Variants in SNAP47 observed in about 807,000 individuals in gnomAD.
SNAP47 encodes the protein synaptosome associated protein 47, also known as synaptosomal-associated protein 47.
A neutral mutation model predicts 31.4 loss-of-function variants in SNAP47; 20 were observed. The ratio of observed to expected loss-of-function variants is 0.64; its 90% CI spans 0.45 to 0.93. The LOEUF (loss-of-function observed/expected upper bound fraction) is 0.93, where lower values mean the gene tolerates loss of function less well. SNAP47 is among the 40% of genes least tolerant of loss of function. The pLI, the probability that SNAP47 is intolerant of heterozygous loss-of-function variation, is 0.00. For missense variants in SNAP47, 492 were observed against 528.5 expected (o/e 0.93, Z 0.68); for synonymous variants, 194 against 213.4 (o/e 0.91, Z 0.79).
intron 4 of SNAP47, chr1:227,775,894 C>T (rs757844677): frequency 4.5e-5 from 58 of 1,303,104 alleles, no homozygotes; most frequent in African/African-American, 2.6e-4. Context: ...GGGCAGCAAG[C>T]GGAAGCTTTT....
intron 2 of SNAP47, 101 bp from the exon 3 acceptor site, chr1:227,758,894 G>T: frequency 7.1e-7 from 1 of 1,407,766 alleles, no homozygotes; most frequent in East Asian, 2.3e-5. Context: ...GAGTAAAATG[G>T]CAACATGCTT....
At chr1:227,735,189 G>T, upstream of SNAP47, 1 of 1,581,480 alleles carries the variant, frequency 6.3e-7, no homozygotes, top group Non-Finnish European at 8.6e-7. Flanking sequence ...AAGGCTACCC[G>T]GCCCGGAGCC....
At chr1:227,771,923 C>T (rs1663838960) in intron 4 of SNAP47, among the ~76,000 whole-genome samples, 1 of 152,148 alleles carries the variant, frequency 6.6e-6, no homozygotes, top group African/African-American at 2.4e-5. Flanking sequence ...GGGACCTGTG[C>T]TGAGGGCCGG....
chr1:227,780,141 C>T (rs548339575), intron 4 of SNAP47, among the ~76,000 whole-genome samples: 6 of 152,244 alleles, frequency 3.9e-5, no homozygotes, highest in Admixed American at 6.5e-5. Context: ...GACTCAAATC[C>T]GAGCTGCGTG....
intron 1 of SNAP47, among the ~76,000 whole-genome samples, chr1:227,739,066 TG>T (rs1661424396): frequency 6.6e-6 from 1 of 152,178 alleles, no homozygotes; most frequent in Non-Finnish European, 1.5e-5. Flanking sequence ...AACATAGGCT[TG>T]TGTCACCCAG....
upstream of SNAP47, among the ~76,000 whole-genome samples, chr1:227,728,360 G>A (rs1660442803): frequency 6.6e-6 from 1 of 152,070 alleles, no homozygotes; most frequent in Non-Finnish European, 1.5e-5. Context: ...GGGGGGGCGG[G>A]CCCCGCTGTG....
chr1:227,752,309 G>A (rs1215975393), intron 2 of SNAP47, among the ~76,000 whole-genome samples: 3 of 152,060 alleles, frequency 2.0e-5, no homozygotes, highest in Non-Finnish European at 4.4e-5. Context: ...GATTTCAAGT[G>A]TACTATTAGT....
At chr1:227,777,109 T>TAA (rs3835265) in intron 4 of SNAP47, 326,024 of 819,260 alleles carry the variant, frequency 0.4, 52,166 homozygotes, top group Admixed American at 0.5. Flanking sequence ...ATGTCTTTTT[T>TAA]AAAAAAAAAA....
At chr1:227,770,149 G>T (rs895807972) in intron 4 of SNAP47, among the ~76,000 whole-genome samples, 4 of 152,230 alleles carry the variant, frequency 2.6e-5, no homozygotes, top group Non-Finnish European at 4.4e-5. Context: ...CCTGCCTTAT[G>T]GCATGGGGCG....
In SNAP47 at chr1:227,747,921, AT is replaced by A. The variant is rs778826028; in HGVS notation, c.189del (p.Phe63LeufsTer60). 2 of 1,614,098 alleles carry A rather than the reference AT, an allele frequency of 1.2e-6. No individual in the cohort carries two copies. The highest frequency in any genetic ancestry group is 4.5e-5 in the East Asian group (2 of 44,880). ...SIVEIKKEAS[H>X]FIFSSITILE... is the part of the protein sequence containing the mutation. ...GTTGAGATCAAGAAGGAGGCTTCACATTTTATCTTCAGCTCCATCACCATCC... is the reference window on the plus strand; with the variant it reads ...GTTGAGATCAAGAAGGAGGCTTCACATTTATCTTCAGCTCCATCACCATCC... On this transcript the variant is annotated frameshift_variant, in exon 2 of 5. Transcript: ENST00000617596. LOFTEE classifies it high-confidence loss of function.
chr1:227,750,760 C>G (rs1662296552), intron 2 of SNAP47, among the ~76,000 whole-genome samples: 1 of 152,196 alleles, frequency 6.6e-6, no homozygotes, highest in Admixed American at 6.5e-5. Context: ...CACAATGTGG[C>G]TTTCCCTGCT....
intron 4 of SNAP47, among the ~76,000 whole-genome samples, chr1:227,773,433 T>C (rs1663952802): frequency 6.6e-6 from 1 of 152,206 alleles, no homozygotes; most frequent in Admixed American, 6.5e-5. Context: ...GTTTGTAATA[T>C]ACAAAAGTTA....
At chr1:227,758,933 A>G in intron 2 of SNAP47, 62 bp from the exon 3 acceptor site, 1 of 1,519,788 alleles carries the variant, frequency 6.6e-7, no homozygotes, top group South Asian at 1.4e-5. Context: ...TTTCCAAAAA[A>G]AAAGGTATTA....
At chr1:227,728,850 G>C (rs985377561) in intron 1 of SNAP47, 4 of 152,364 alleles carry the variant, frequency 2.6e-5, no homozygotes, top group Admixed American at 2.0e-4. Flanking sequence ...GAGCAGGCAG[G>C]CCCTGCCGCG....
At chr1:227,746,543 C>G (rs1483084541) in intron 1 of SNAP47, 1 of 152,212 alleles carries the variant, frequency 6.6e-6, no homozygotes, top group African/African-American at 2.4e-5. Context: ...AGACCTGGCT[C>G]TTAAGAGTGT....
chr1:227,780,387 G>C, intron 4 of SNAP47, 140 bp from the exon 5 acceptor site: 1 of 1,242,392 alleles, frequency 8.0e-7, no homozygotes, highest in Non-Finnish European at 1.1e-6. Context: ...CTGGGCTGCC[G>C]GCTCCCTCCT....
At chr1:227,761,300 T>C (rs1663046362) in intron 3 of SNAP47, among the ~76,000 whole-genome samples, 1 of 152,068 alleles carries the variant, frequency 6.6e-6, no homozygotes, top group African/African-American at 2.4e-5. Context: ...GAAATACACA[T>C]AATAATAGAT....
intron 4 of SNAP47, among the ~76,000 whole-genome samples, chr1:227,774,693 G>T (rs933917781): frequency 6.6e-6 from 1 of 152,274 alleles, no homozygotes; most frequent in Non-Finnish European, 1.5e-5. Flanking sequence ...TTGTGGGGCT[G>T]TGGCCAACCT....
intron 2 of SNAP47, among the ~76,000 whole-genome samples, chr1:227,757,086 C>T (rs530669018): frequency 6.6e-6 from 1 of 152,332 alleles, no homozygotes; most frequent in African/African-American, 2.4e-5. Flanking sequence ...TCTGTGGCTC[C>T]AGGGGCCATC....
Sources: gnomAD v4.1 joint callset for allele counts (sites outside exome capture counted in the v4.1 genomes callset) on GRCh38, gnomAD v4.1.1 for gene constraint, MANE v1.5 for transcripts, NCBI Gene and HGNC (gene_info 2026-07-23, HGNC 2026-07-21) for gene names.